GVQW3: variants seen among roughly 807,000 people sequenced by gnomAD.
GVQW3 encodes the protein GVQW motif containing 3, also known as protein GVQW3.
GVQW3 carries 7 observed loss-of-function variants against 12.5 expected under a neutral mutation model. That is an observed-to-expected ratio of 0.56 (90% CI 0.32 to 1.05). The LOEUF (loss-of-function observed/expected upper bound fraction) is 1.05, where lower values mean the gene tolerates loss of function less well. Ranked by LOEUF, GVQW3 falls within the 50% of genes least tolerant of loss-of-function variation. The pLI is 0.04. For synonymous variants in GVQW3, 71 were observed against 67.2 expected, an observed-to-expected ratio of 1.06 and a Z score of -0.28; for missense variants, 188 against 190.8, an observed-to-expected ratio of 0.99 and a Z score of 0.09.
At position 76,387,391 on chromosome 11, in the gene GVQW3, C is replaced by T. The variant is rs548630730; in HGVS notation, c.465+5098C>T. ...GCTGCAGTGATCCAAGATCTTGCCA[C>T]TACTCCAGCCTGGGCAACAGAGGGA... is the stretch of plus-strand genomic sequence containing the variant. On this transcript the variant is annotated intron_variant, in intron 1 of 1. Coordinates refer to ENST00000529331, the MANE Select transcript of GVQW3 (RefSeq NM_001347885.2). Among the ~76,000 whole-genome samples the T allele has an allele frequency of 7.9e-5, 12 of 152,082 alleles. No individual in the cohort carries two copies. In the East Asian group the frequency reaches 2.1e-3, roughly 27 times the overall value.
chr11:76,397,954 G>T (rs1946954234), intron 1 of GVQW3, among the ~76,000 whole-genome samples: 1 of 152,012 alleles, frequency 6.6e-6, no homozygotes. Flanking sequence ...TGGCCAACAT[G>T]GTGAAACCCC....
chr11:76,400,382 G>A (rs1039975941), intron 1 of GVQW3, among the ~76,000 whole-genome samples: 1 of 151,572 alleles, frequency 6.6e-6, no homozygotes, highest in African/African-American at 2.4e-5. Flanking sequence ...CCAAAGTGCT[G>A]GGATTACAGG....
intron 1 of GVQW3, chr11:76,390,045 T>A (rs530464826): frequency 6.6e-6 from 1 of 152,366 alleles, no homozygotes; most frequent in Non-Finnish European, 1.5e-5. Context: ...ATCATGTAGC[T>A]AATGCCTATC....
At chr11:76,401,904 T>C (rs1227320602) in intron 1 of GVQW3, among the ~76,000 whole-genome samples, 1 of 152,212 alleles carries the variant, frequency 6.6e-6, no homozygotes, top group Non-Finnish European at 1.5e-5. Context: ...TTCTATTTCT[T>C]GTAAATGCTA....
chr11:76,411,333 G>A (rs148154744), downstream of GVQW3: 1 of 152,382 alleles, frequency 6.6e-6, no homozygotes, highest in African/African-American at 2.4e-5. Context: ...GTTGGAGCTG[G>A]GAGTCATCCA....
chr11:76,401,050 C>CT (rs1460068331), intron 1 of GVQW3, among the ~76,000 whole-genome samples: 2 of 147,882 alleles, frequency 1.4e-5, no homozygotes, highest in African/African-American at 5.0e-5. Context: ...TATTTTTTCT[C>CT]TTTTTTGAGA....
downstream of GVQW3, chr11:76,408,562 AG>A (rs1947062502): frequency 6.6e-6 from 1 of 152,290 alleles, no homozygotes; most frequent in Admixed American, 6.5e-5. Flanking sequence ...CATCCAACTA[AG>A]GAGCAGATCC....
Position 76,381,861 on chromosome 11 carries a change from T to C in GVQW3, c.33T>C (p.Ser11=), listed in dbSNP as rs1946772628. 6.5e-7 allele frequency: 1 copy of C among 1,535,784 alleles called. No individual in the cohort carries two copies. The highest frequency in any genetic ancestry group is 1.4e-5 in the African/African-American group (1 of 72,952). MSDRYLEQRI[S]IKFCVKLNKS... The stretch of plus-strand genomic sequence containing the variant: ...ACCGCTATTTAGAACAAAGGATTAG[T>C]ATCAAATTTTGCGTGAAATTGAACA... Residue 11 remains serine (S), a synonymous_variant, in exon 1 of 2, where the codon AGT becomes AGC. Coordinates refer to ENST00000529331, the MANE Select transcript of GVQW3 (RefSeq NM_001347885.2).
downstream of GVQW3, chr11:76,411,506 G>A (rs1358108361): frequency 6.6e-6 from 1 of 152,256 alleles, no homozygotes; most frequent in East Asian, 1.9e-4. Flanking sequence ...AGAGAGAAAT[G>A]ATGGAGAAAG....
At chr11:76,390,648 C>T (rs1033145211) in intron 1 of GVQW3, among the ~76,000 whole-genome samples, 1 of 151,710 alleles carries the variant, frequency 6.6e-6, no homozygotes, top group Non-Finnish European at 1.5e-5. Context: ...ACGGTGAAAC[C>T]CCGTCTCTAC....
At chr11:76,385,212 A>C (rs1432102982) in intron 1 of GVQW3, among the ~76,000 whole-genome samples, 1 of 152,180 alleles carries the variant, frequency 6.6e-6, no homozygotes, top group Non-Finnish European at 1.5e-5. Context: ...AATGAAAAGG[A>C]CTTATCCAGA....
chr11:76,394,275 G>A lies in GVQW3; in HGVS notation c.466-9385G>A, dbSNP rs1033380018. 1.7e-4 allele frequency among the ~76,000 whole-genome samples: 26 copies of A among 152,108 alleles called. No homozygotes were observed. The East Asian group carries it at 3.9e-3, about 23-fold the overall frequency. On this transcript the variant is annotated intron_variant, in intron 1 of 1. Transcript: ENST00000529331. ...GCTGTGCTATCAAATATTAGATCTTGTCCATTCTTTCTAACTATTTTTTGG... is the reference window on the plus strand; with the variant it reads ...GCTGTGCTATCAAATATTAGATCTTATCCATTCTTTCTAACTATTTTTTGG...
intron 1 of GVQW3, among the ~76,000 whole-genome samples, chr11:76,385,112 C>T (rs1768535544): frequency 6.6e-6 from 1 of 152,148 alleles, no homozygotes; most frequent in Non-Finnish European, 1.5e-5. Flanking sequence ...TGTAGAGTAC[C>T]AGAAGCTATG....
chr11:76,401,361 T>C (rs1001348354), intron 1 of GVQW3, among the ~76,000 whole-genome samples: 1 of 152,192 alleles, frequency 6.6e-6, no homozygotes, highest in Admixed American at 6.5e-5. Context: ...TTTTTTCTAA[T>C]AAATTTGTCA....
downstream of GVQW3, chr11:76,408,489 G>A (rs971586723): frequency 1.3e-5 from 2 of 152,216 alleles, no homozygotes; most frequent in African/African-American, 2.4e-5. Context: ...CAGGATCCCT[G>A]GGACAGGAAG....
Position 76,404,626 on chromosome 11 carries a change from G to A in GVQW3, c.*868G>A, listed in dbSNP as rs1947021878. The A allele has an allele frequency of 6.6e-6, 1 of 152,390 alleles. No individual in the cohort carries two copies. Among genetic ancestry groups the A allele is most frequent in the Non-Finnish European group, 1.5e-5 (1 of 68,166 alleles). The allele number at this position is 152,390 out of a possible 1,614,324, so 9.4% of individuals were successfully genotyped here. A position where few individuals can be genotyped will look rare whatever the true frequency, so the allele number is the denominator to read the frequency against. On this transcript the variant is annotated 3_prime_UTR_variant, in exon 2 of 2. Coordinates refer to ENST00000529331, the MANE Select transcript of GVQW3 (RefSeq NM_001347885.2). ...CAGAAGCATCTCCAAGCTCAGGCAG[G>A]AGGTGGGCAGTGAAGGGGAATACCA...
chr11:76,381,540 G>A lies in GVQW3; in HGVS notation c.-289G>A. The A allele has an allele frequency of 3.0e-6, 1 of 329,726 alleles. No homozygotes were observed. Among genetic ancestry groups the A allele is most frequent in the South Asian group, 6.4e-5 (1 of 15,728 alleles). 20.4% of individuals were successfully genotyped at this position (329,726 alleles called of 1,614,324 possible). A position where few individuals can be genotyped will look rare whatever the true frequency, so the allele number is the denominator to read the frequency against. Reference sequence around the variant, plus strand: ...GGAATCGGAGCGACCTTGGTGACTGGCAAACTCTCGGCAGATGTGCGTGCA... The same window carrying A: ...GGAATCGGAGCGACCTTGGTGACTGACAAACTCTCGGCAGATGTGCGTGCA... On this transcript the variant is annotated 5_prime_UTR_variant, in exon 1 of 2. Transcript: ENST00000529331.
At chr11:76,401,215 C>T (rs1946986066) in intron 1 of GVQW3, among the ~76,000 whole-genome samples, 1 of 151,992 alleles carries the variant, frequency 6.6e-6, no homozygotes, top group African/African-American at 2.4e-5. Flanking sequence ...ATCATCCTTA[C>T]TTCATAGTCT....
intron 1 of GVQW3, among the ~76,000 whole-genome samples, chr11:76,396,378 A>G (rs1469109879): frequency 2.0e-5 from 3 of 152,048 alleles, no homozygotes; most frequent in African/African-American, 7.2e-5. Context: ...ACAGTGGCAC[A>G]ATCTCAGCTC....
Sources: gnomAD v4.1 joint callset for allele counts (sites outside exome capture counted in the v4.1 genomes callset) on GRCh38, gnomAD v4.1.1 for gene constraint, MANE v1.5 for transcripts, NCBI Gene and HGNC (gene_info 2026-07-23, HGNC 2026-07-21) for gene names.